Variants in CNTRL observed in about 807,000 individuals in gnomAD.
The protein encoded by CNTRL is 110 kDa centrosomal protein.
In CNTRL, 233 loss-of-function variants were observed where a neutral mutation model predicts 303.7. That is an observed-to-expected ratio of 0.77 (90% CI 0.69 to 0.86). The LOEUF is 0.86. CNTRL is among the 40% of genes least tolerant of loss of function. The pLI, the probability that CNTRL is intolerant of heterozygous loss-of-function variation, is 0.00. For missense variants in CNTRL, 2,524 were observed against 2,650.6 expected (o/e 0.95, Z 1.05); for synonymous variants, 900 against 922.2 (o/e 0.98, Z 0.44).
chr9:121,121,663 T>C, intron 12 of CNTRL: 1 of 330,538 alleles, frequency 3.0e-6, no homozygotes, highest in Non-Finnish European at 4.3e-6. Context: ...GTTGCAAAGT[T>C]TGGGCGTGAT....
intron 7 of CNTRL, among the ~76,000 whole-genome samples, chr9:121,099,408 A>G (rs962993227): frequency 6.6e-6 from 1 of 152,250 alleles, no homozygotes; most frequent in Non-Finnish European, 1.5e-5. Flanking sequence ...GTACGTCACC[A>G]TCATCAAAGA....
chr9:121,103,583 A>T (rs2049295180), intron 7 of CNTRL, among the ~76,000 whole-genome samples: 2 of 152,356 alleles, frequency 1.3e-5, no homozygotes, highest in South Asian at 4.1e-4. Context: ...TCTGCACAGC[A>T]AAAGAAACTA....
chr9:121,084,226 T>C lies in CNTRL; in HGVS notation c.-32+3748T>C, dbSNP rs79990853. Among the ~76,000 whole-genome samples the C allele has an allele frequency of 5.0e-3, 769 of 152,300 alleles. 38 individuals are homozygous for C. The East Asian group carries it at 0.12, about 23-fold the overall frequency. ...ATAATATTTTTTGTCCAAAAGTTTG[T>C]AAAGTTTATAATTTTTGTACTGTTT... On this transcript the variant is annotated intron_variant, in intron 2 of 43. Transcript: ENST00000373855.
chr9:121,127,301 C>G (rs922976374), intron 14 of CNTRL, among the ~76,000 whole-genome samples: 1 of 152,086 alleles, frequency 6.6e-6, no homozygotes, highest in Non-Finnish European at 1.5e-5. Flanking sequence ...GCATAACATT[C>G]CTGCACACAT....
At chr9:121,108,084 A>G in intron 8 of CNTRL, 89 bp downstream of exon 8, 1 of 790,898 alleles carries the variant, frequency 1.3e-6, no homozygotes, top group East Asian at 2.8e-5. Context: ...CTTCCTGACC[A>G]TATAATGGGG....
chr9:121,124,401 T>C (rs1159211436), intron 13 of CNTRL, among the ~76,000 whole-genome samples: 1 of 152,246 alleles, frequency 6.6e-6, no homozygotes, highest in Admixed American at 6.5e-5. Flanking sequence ...AAAGCACCCA[T>C]TGGCATCAGG....
At chr9:121,131,151 T>C (rs2050829868) in intron 14 of CNTRL, among the ~76,000 whole-genome samples, 1 of 152,244 alleles carries the variant, frequency 6.6e-6, no homozygotes, top group South Asian at 2.1e-4. Context: ...TTAGGTCTGC[T>C]TGGTGCAGAG....
At chr9:121,165,558 T>C (rs2053055564) in intron 35 of CNTRL, among the ~76,000 whole-genome samples, 1 of 152,196 alleles carries the variant, frequency 6.6e-6, no homozygotes, top group Non-Finnish European at 1.5e-5. Flanking sequence ...AATTGCTGAG[T>C]AATTCTAGCT....
At chr9:121,137,346 A>C (rs1189264484) in intron 15 of CNTRL, among the ~76,000 whole-genome samples, 1 of 152,108 alleles carries the variant, frequency 6.6e-6, no homozygotes, top group African/African-American at 2.4e-5. Context: ...ATGCTCCTAG[A>C]TGATCTGTTT....
intron 14 of CNTRL, among the ~76,000 whole-genome samples, chr9:121,132,529 C>A (rs914993354): frequency 6.6e-6 from 1 of 152,086 alleles, no homozygotes; most frequent in African/African-American, 2.4e-5. Flanking sequence ...ATTAGCCATT[C>A]GTCTAATCTT....
intron 7 of CNTRL, among the ~76,000 whole-genome samples, chr9:121,099,622 G>A (rs2049049008): frequency 6.6e-6 from 1 of 152,140 alleles, no homozygotes; most frequent in African/African-American, 2.4e-5. Flanking sequence ...AGCTAAAGGA[G>A]GATGTTTGAA....
At chr9:121,118,741 GA>G (rs1564227423) in intron 12 of CNTRL, among the ~76,000 whole-genome samples, 1 of 151,296 alleles carries the variant, frequency 6.6e-6, no homozygotes, top group East Asian at 1.9e-4. Context: ...CATATATTAG[GA>G]AAAAAAAGGA....
chr9:121,141,360 A>G, intron 17 of CNTRL, 21 bp from the exon 18 acceptor site: 1 of 1,577,148 alleles, frequency 6.3e-7, no homozygotes, highest in Non-Finnish European at 8.7e-7. Flanking sequence ...CATTTATACC[A>G]TTTTTCCCCC....
chr9:121,135,846 A>C lies in CNTRL; in HGVS notation c.2066A>C (p.Glu689Ala). Residue 689 changes from glutamate to alanine, a missense_variant, in exon 15 of 44, where the codon GAG becomes GCG. By Grantham distance (107) the Glu-to-Ala change is moderately radical. Coordinates refer to ENST00000373855, the MANE Select transcript of CNTRL (RefSeq NM_007018.6). ...GAAAGTGCCCTCCAAGAGCAGCATGAGGTGAATGCATCTTTGCAGCAGACC... is the reference window on the plus strand; with the variant it reads ...GAAAGTGCCCTCCAAGAGCAGCATGCGGTGAATGCATCTTTGCAGCAGACC... Reference protein sequence around the residue: ...ELESALQEQHEVNASLQQTQG... With the variant: ...ELESALQEQHAVNASLQQTQG... The C allele has an allele frequency of 3.7e-6, 6 of 1,613,888 alleles. No homozygotes were observed. Among genetic ancestry groups the C allele is most frequent in the Non-Finnish European group, 5.1e-6 (6 of 1,179,886 alleles).
intron 1 of CNTRL, among the ~76,000 whole-genome samples, chr9:121,076,126 A>G (rs1375416962): frequency 6.6e-6 from 1 of 152,266 alleles, no homozygotes; most frequent in Non-Finnish European, 1.5e-5. Context: ...AAGGAGAAAC[A>G]GGCAACAACC....
intron 39 of CNTRL, 144 bp from the exon 40 acceptor site, chr9:121,171,264 G>T: frequency 1.2e-6 from 1 of 829,556 alleles, no homozygotes; most frequent in Non-Finnish European, 2.0e-6. Flanking sequence ...GCCCATGAAA[G>T]GCCGATAGAA....
chr9:121,162,451 C>A, intron 34 of CNTRL, 180 bp downstream of exon 34: 1 of 595,202 alleles, frequency 1.7e-6, no homozygotes, highest in South Asian at 1.9e-5. Flanking sequence ...TTTTTTTTTG[C>A]TCAAAAGCAT....
chr9:121,147,691 C>G lies in CNTRL; in HGVS notation c.3460-981C>G, dbSNP rs117641445. ...CCAAAGCAGAGGGGCCTGGTGCTATCCTGCTAGAATCAGCCGATGAGCAAT... is the reference window on the plus strand; with the variant it reads ...CCAAAGCAGAGGGGCCTGGTGCTATGCTGCTAGAATCAGCCGATGAGCAAT... On this transcript the variant is annotated intron_variant, in intron 23 of 43. Coordinates refer to ENST00000373855, the MANE Select transcript of CNTRL (RefSeq NM_007018.6). Among the ~76,000 whole-genome samples the G allele has an allele frequency of 2.7e-3, 415 of 152,256 alleles. 3 individuals carry two copies. Among genetic ancestry groups the G allele is most frequent in the Non-Finnish European group, 4.9e-3 (331 of 68,024 alleles).
chr9:121,082,969 C>CAAAA (rs71370624), intron 2 of CNTRL, among the ~76,000 whole-genome samples: 96 of 109,798 alleles, frequency 8.7e-4, no homozygotes, highest in Middle Eastern at 5.0e-3. Flanking sequence ...GACTCCCTCT[C>CAAAA]AAAAAAAAAA....
Sources: gnomAD v4.1 joint callset for allele counts (sites outside exome capture counted in the v4.1 genomes callset) on GRCh38, gnomAD v4.1.1 for gene constraint, MANE v1.5 for transcripts, NCBI Gene and HGNC (gene_info 2026-07-23, HGNC 2026-07-21) for gene names.